Variants in F5 observed in about 807,000 individuals in gnomAD.
The protein encoded by F5 is coagulation factor V.
Under a neutral mutation model 216.4 loss-of-function variants are expected in F5, and 138 were observed. The observed-to-expected ratio is 0.64, with a 90% CI of 0.56 to 0.73. The LOEUF (loss-of-function observed/expected upper bound fraction) is 0.73. F5 is among the 30% of genes least tolerant of loss of function. The pLI, the probability that F5 is intolerant of heterozygous loss-of-function variation, is 0.00. For missense variants in F5, 2,403 were observed against 2,674.0 expected (o/e 0.90, Z 2.24); for synonymous variants, 916 against 930.7 (o/e 0.98, Z 0.29).
At chr1:169,560,407 T>C in intron 4 of F5, 147 bp downstream of exon 4, 3 of 729,478 alleles carry the variant, frequency 4.1e-6, no homozygotes, top group Non-Finnish European at 7.0e-6. Flanking sequence ...TTTTTTTCTC[T>C]TGTCAAACAA....
Position 169,541,797 on chromosome 1 carries a change from G to T in F5, c.3293C>A (p.Pro1098His). The T allele has an allele frequency of 6.2e-7, 1 of 1,614,076 alleles. No homozygotes were observed. Among genetic ancestry groups the T allele is most frequent in the Non-Finnish European group, 8.5e-7 (1 of 1,179,986 alleles). ...ATTTGAGGAATTCTGATTATGGTCA[G>T]GAAGTGAGGCTATCCAGCCAAAATC... ...SMDFGWIASL[P>H]DHNQNSSNDT... Residue 1098 changes from proline (P) to histidine (H), a missense_variant, in exon 13 of 25, where the codon CCT becomes CAT. Physicochemically the swap from Pro to His is moderately conservative, Grantham distance 77 (BLOSUM62 -2). Around this residue, in one of 4 missense-constraint regions of F5, gnomAD observed 1,425 missense variants for 1,554.8 expected, o/e 0.92. Coordinates refer to ENST00000367797, the MANE Select transcript of F5 (RefSeq NM_000130.5).
At position 169,540,505 on chromosome 1, in the gene F5, C is replaced by G. The variant is rs1659808481; in HGVS notation, c.4585G>C (p.Glu1529Gln). The change falls in exon 13 of 25, where the codon GAA (glutamate) becomes CAA (glutamine). Residue 1529 changes from glutamate to glutamine, a missense_variant. This residue lies in a region of F5 where 293 missense variants were observed against 270.8 expected (regional missense o/e 1.08). Coordinates refer to ENST00000367797, the MANE Select transcript of F5 (RefSeq NM_000130.5). The part of the protein sequence containing the change: ...GTDYIEIIPK[E>Q]EVQSSEDDYA... ...TCATCTTCACTGCTCTGGACCTCTT[C>G]CTTTGGAATGATCTCAATGTAATCT... 1.2e-6 allele frequency: 2 copies of G among 1,613,934 alleles called. No individual in the cohort carries two copies. Among genetic ancestry groups the G allele is most frequent in the Non-Finnish European group, 1.7e-6 (2 of 1,179,942 alleles).
chr1:169,540,880 G>C lies in F5; in HGVS notation c.4210C>G (p.Pro1404Ala), dbSNP rs9332608. 3 of 1,613,182 alleles carry C rather than the reference G, an allele frequency of 1.9e-6. No homozygotes were observed. The highest frequency in any genetic ancestry group is 2.5e-6 in the Non-Finnish European group (3 of 1,179,832). ...GAAAGTGTCATCTGGTCGAGGTCTG[G>C]GGTAAGGGGAATTTGACTGAGATCT... Reference protein sequence around the residue: ...FADLSQIPLTPDLDQMTLSPD... With the variant: ...FADLSQIPLTADLDQMTLSPD... Residue 1404 changes from proline to alanine, a missense_variant, in exon 13 of 25, where the codon CCA becomes GCA. Physicochemically the swap from Pro to Ala is conservative, Grantham distance 27 (BLOSUM62 -1). Transcript: ENST00000367797.
intron 4 of F5, among the ~76,000 whole-genome samples, chr1:169,559,831 C>A (rs1213495895): frequency 2.0e-5 from 3 of 151,830 alleles, no homozygotes; most frequent in African/African-American, 7.3e-5. Context: ...TTATATATAC[C>A]AGGAAATGGA....
chr1:169,583,006 T>C (rs949318129), intron 1 of F5, among the ~76,000 whole-genome samples: 5 of 152,232 alleles, frequency 3.3e-5, no homozygotes, highest in African/African-American at 4.8e-5. Context: ...GTAAAAGCCC[T>C]GGGATTCATA....
At position 169,523,890 on chromosome 1, in the gene F5, T is replaced by C; in HGVS notation, c.5803A>G (p.Arg1935Gly). The C allele has an allele frequency of 6.2e-7, 1 of 1,613,574 alleles. No homozygotes were observed. Among genetic ancestry groups the C allele is most frequent in the Non-Finnish European group, 8.5e-7 (1 of 1,179,710 alleles). Reference protein sequence around the residue: ...ASEFLGYWEPRLARLNNGGSY... With the variant: ...ASEFLGYWEPGLARLNNGGSY... The stretch of plus-strand genomic sequence containing the variant: ...CCACCATTGTTTAATCTTGCTAATC[T>C]GGGCTCCCAGTAACCTAAACTCAAG... The change falls in exon 20 of 25, where the codon AGA becomes GGA. Residue 1935 changes from arginine (R) to glycine (G), a missense_variant. Arg to Gly is a moderately radical substitution (Grantham distance 125). Coordinates refer to ENST00000367797, the MANE Select transcript of F5 (RefSeq NM_000130.5).
At chr1:169,517,134 T>G (rs1191563655) in intron 23 of F5, among the ~76,000 whole-genome samples, 1 of 152,294 alleles carries the variant, frequency 6.6e-6, no homozygotes, top group East Asian at 1.9e-4. Context: ...CTCTGCAAAA[T>G]TGCAAAATGA....
intron 7 of F5, among the ~76,000 whole-genome samples, chr1:169,553,450 T>G: frequency 6.6e-6 from 1 of 152,230 alleles, no homozygotes; most frequent in Non-Finnish European, 1.5e-5. Context: ...GGCTCACGCC[T>G]GTACTCTCAG....
At chr1:169,520,922 G>T (rs1000785821) in intron 21 of F5, among the ~76,000 whole-genome samples, 1 of 152,076 alleles carries the variant, frequency 6.6e-6, no homozygotes, top group South Asian at 2.1e-4. Flanking sequence ...CCTGAAAAGA[G>T]CTCAGAAGAC....
intron 22 of F5, 26 bp downstream of exon 22, chr1:169,520,493 AG>A: frequency 6.2e-7 from 1 of 1,613,768 alleles, no homozygotes; most frequent in Non-Finnish European, 8.5e-7. Flanking sequence ...AGTGGCAGTG[AG>A]AAAATAATGC....
intron 5 of F5, among the ~76,000 whole-genome samples, chr1:169,557,276 C>A (rs79311394): frequency 6.6e-6 from 1 of 152,234 alleles, no homozygotes; most frequent in African/African-American, 2.4e-5. Context: ...TTGGTCACCC[C>A]AGTCTGATCT....
chr1:169,524,166 C>T (rs1215547390), intron 19 of F5, among the ~76,000 whole-genome samples: 1 of 152,162 alleles, frequency 6.6e-6, no homozygotes, highest in Non-Finnish European at 1.5e-5. Context: ...GTTTATATTC[C>T]TAATGCTGAA....
At chr1:169,567,626 A>G (rs1407363393) in intron 3 of F5, among the ~76,000 whole-genome samples, 1 of 152,048 alleles carries the variant, frequency 6.6e-6, no homozygotes, top group African/African-American at 2.4e-5. Flanking sequence ...AAGCAAGGGA[A>G]AAATAATGCA....
At chr1:169,546,275 G>T (rs1294075800) in intron 11 of F5, among the ~76,000 whole-genome samples, 167 bp downstream of exon 11, 3 of 151,944 alleles carry the variant, frequency 2.0e-5, no homozygotes, top group East Asian at 1.9e-4. Context: ...TAAAAATGTT[G>T]CTATGATGTC....
At chr1:169,524,200 T>A (rs1333398342) in intron 19 of F5, among the ~76,000 whole-genome samples, 1 of 152,148 alleles carries the variant, frequency 6.6e-6, no homozygotes, top group East Asian at 1.9e-4. Flanking sequence ...CAGGAAGACA[T>A]GGAAGGGTAT....
intron 3 of F5, among the ~76,000 whole-genome samples, chr1:169,569,375 C>T (rs1010455949): frequency 6.6e-6 from 1 of 151,978 alleles, no homozygotes; most frequent in Non-Finnish European, 1.5e-5. Flanking sequence ...TGTGACATCA[C>T]ATTCATATGC....
At chr1:169,553,596 C>T (rs1275427697) in intron 7 of F5, among the ~76,000 whole-genome samples, 3 of 152,166 alleles carry the variant, frequency 2.0e-5, no homozygotes, top group South Asian at 2.1e-4. Context: ...TTGGCGGGCC[C>T]CTGTAGTCTC....
At chr1:169,525,550 A>T (rs538756309) in intron 18 of F5, among the ~76,000 whole-genome samples, 1 of 152,264 alleles carries the variant, frequency 6.6e-6, no homozygotes, top group South Asian at 2.1e-4. Flanking sequence ...GTGTTTCCTA[A>T]ATGCTGAAAT....
At chr1:169,550,556 C>T in intron 9 of F5, 84 bp downstream of exon 9, 2 of 1,007,880 alleles carry the variant, frequency 2.0e-6, no homozygotes, top group East Asian at 2.5e-5. Flanking sequence ...AGTAGTGACA[C>T]CACCGGGCAA....
Sources: allele counts gnomAD v4.1 joint callset (sites outside exome capture counted in the v4.1 genomes callset), GRCh38; gene constraint gnomAD v4.1.1; regional missense constraint gnomAD v4.1.1; transcripts MANE v1.5; gene names NCBI Gene and HGNC (gene_info 2026-07-23, HGNC 2026-07-21).